The following GBE1 variants were observed in gnomAD, a reference collection of about 807,000 sequenced individuals.
GBE1 encodes 1,4-alpha-glucan branching enzyme 1.
GBE1 carries 70 observed loss-of-function variants against 88.8 expected under a neutral mutation model. That is an observed-to-expected ratio of 0.79 (90% CI 0.65 to 0.96). The LOEUF is 0.96. GBE1 is among the 40% of genes least tolerant of loss of function. The pLI, the probability that GBE1 is intolerant of heterozygous loss-of-function variation, is 0.00. For synonymous variants in GBE1, 284 were observed against 300.1 expected, an observed-to-expected ratio of 0.95 and a Z score of 0.56; for missense variants, 872 against 871.0, an observed-to-expected ratio of 1.00 and a Z score of -0.01.
At chr3:81,584,594 A>G (rs1703775312) in intron 10 of GBE1, among the ~76,000 whole-genome samples, 1 of 152,016 alleles carries the variant, frequency 6.6e-6, no homozygotes, top group African/African-American at 2.4e-5. Flanking sequence ...CTTTCAGAGA[A>G]TTTACAATCT....
At chr3:81,640,390 C>T (rs115782990) in intron 7 of GBE1, among the ~76,000 whole-genome samples, 2,635 of 151,968 alleles carry the variant, frequency 0.017, 91 homozygotes, top group African/African-American at 0.061. Context: ...CTGTACTGGA[C>T]GCTTCCTGTC....
At chr3:81,720,229 CTT>C (rs1275763343) in intron 1 of GBE1, among the ~76,000 whole-genome samples, 2 of 151,976 alleles carry the variant, frequency 1.3e-5, no homozygotes, top group African/African-American at 2.4e-5. Context: ...GGCAAGATCT[CTT>C]TTAATTTATA....
At chr3:81,725,629 T>C (rs556155251) in intron 1 of GBE1, among the ~76,000 whole-genome samples, 1 of 152,344 alleles carries the variant, frequency 6.6e-6, no homozygotes, top group Non-Finnish European at 1.5e-5. Context: ...GTATATACTG[T>C]ATATAATTGT....
intron 14 of GBE1, among the ~76,000 whole-genome samples, chr3:81,523,580 G>A (rs1160329065): frequency 6.6e-6 from 1 of 151,394 alleles, no homozygotes; most frequent in African/African-American, 2.4e-5. Flanking sequence ...CAAATATTAG[G>A]TCTTATTCAT....
intron 1 of GBE1, among the ~76,000 whole-genome samples, chr3:81,760,662 G>A (rs1202669386): frequency 6.6e-6 from 1 of 152,214 alleles, no homozygotes; most frequent in Non-Finnish European, 1.5e-5. Flanking sequence ...AACTAAAGTT[G>A]TATGGTACAC....
intron 7 of GBE1, among the ~76,000 whole-genome samples, chr3:81,628,380 TGAA>T (rs1269835330): frequency 6.6e-6 from 1 of 152,080 alleles, no homozygotes; most frequent in East Asian, 1.9e-4. Flanking sequence ...GATAAGAACA[TGAA>T]GAAGACCCTA....
intron 3 of GBE1, among the ~76,000 whole-genome samples, chr3:81,659,347 A>AT (rs1217072033): frequency 1.0e-4 from 15 of 147,818 alleles, no homozygotes; most frequent in African/African-American, 2.5e-4. Flanking sequence ...TTTTTTTTTT[A>AT]TTTTTTTTTA....
chr3:81,535,351 A>G (rs543162293), intron 13 of GBE1, 26 bp from the exon 14 acceptor site: 110 of 1,579,790 alleles, frequency 7.0e-5, no homozygotes, highest in Non-Finnish European at 8.9e-5. Context: ...CACATGTTAC[A>G]TTTAAATAAT....
intron 12 of GBE1, among the ~76,000 whole-genome samples, chr3:81,539,464 T>A (rs375239840): frequency 6.6e-6 from 1 of 152,024 alleles, no homozygotes; most frequent in Middle Eastern, 3.4e-3. Context: ...TATTTTAAAG[T>A]AGGGAAATGA....
At chr3:81,592,279 A>G (rs967523163) in intron 8 of GBE1, among the ~76,000 whole-genome samples, 6 of 152,070 alleles carry the variant, frequency 3.9e-5, no homozygotes, top group South Asian at 2.1e-4. Context: ...CCTTTGACCA[A>G]CATCTCTCCA....
At chr3:81,715,040 T>C (rs1705922746) in intron 1 of GBE1, among the ~76,000 whole-genome samples, 1 of 152,166 alleles carries the variant, frequency 6.6e-6, no homozygotes, top group Non-Finnish European at 1.5e-5. Flanking sequence ...TCTGAGTGGA[T>C]ATAAACATGT....
At chr3:81,554,791 G>T (rs534271191) in intron 12 of GBE1, among the ~76,000 whole-genome samples, 1 of 152,242 alleles carries the variant, frequency 6.6e-6, no homozygotes, top group East Asian at 1.9e-4. Flanking sequence ...CTTGTTCAAG[G>T]CACAGCCGGC....
intron 12 of GBE1, among the ~76,000 whole-genome samples, chr3:81,548,487 T>A (rs1703236042): frequency 6.6e-6 from 1 of 151,434 alleles, no homozygotes; most frequent in Admixed American, 6.6e-5. Context: ...CAAAATTACG[T>A]AAAACTCCTC....
chr3:81,636,729 T>C (rs560692156), intron 7 of GBE1, among the ~76,000 whole-genome samples: 52 of 152,156 alleles, frequency 3.4e-4, no homozygotes, highest in Admixed American at 6.5e-4. Flanking sequence ...AGGGTTTCTC[T>C]ATATTGGTCA....
chr3:81,557,358 C>T (rs1268887166), intron 12 of GBE1, among the ~76,000 whole-genome samples: 1 of 151,986 alleles, frequency 6.6e-6, no homozygotes, highest in African/African-American at 2.4e-5. Flanking sequence ...GATACTGTGA[C>T]TTAGCTATGG....
At chr3:81,667,320 G>C (rs143370974) in intron 3 of GBE1, among the ~76,000 whole-genome samples, 1 of 152,142 alleles carries the variant, frequency 6.6e-6, no homozygotes, top group Non-Finnish European at 1.5e-5. Context: ...CACTGAAGTT[G>C]CTTATCAGCT....
intron 3 of GBE1, among the ~76,000 whole-genome samples, chr3:81,662,085 T>G (rs796109396): frequency 9.9e-5 from 15 of 152,234 alleles, no homozygotes; most frequent in African/African-American, 3.6e-4. Context: ...CAGGCTGGAG[T>G]GCAATGGCAC....
rs1703673443 is a variant in GBE1, at chr3:81,578,080, T to A, written c.1463A>T (p.Lys488Met). Residue 488 changes from lysine (K) to methionine (M), a missense_variant, in exon 12 of 16, where the codon AAG becomes ATG. By Grantham distance (95) the Lys-to-Met change is moderately conservative. Coordinates refer to ENST00000429644, the MANE Select transcript of GBE1 (RefSeq NM_000158.4). ...ESHDQALVGD[K>M]SLAFWLMDAE... The stretch of plus-strand genomic sequence containing the variant: ...ATCCATCAACCAAAATGCCAGCGAC[T>A]TATCCCCAACCAATGCCTACAGAAA... The A allele has an allele frequency of 6.2e-7, 1 of 1,603,026 alleles. No individual in the cohort carries two copies. The highest frequency in any genetic ancestry group is 1.3e-5 in the African/African-American group (1 of 74,708).
chr3:81,516,363 C>A (rs1702799171), intron 14 of GBE1, among the ~76,000 whole-genome samples: 1 of 151,568 alleles, frequency 6.6e-6, no homozygotes, highest in Admixed American at 6.6e-5. Flanking sequence ...TGTCTGTTTA[C>A]AGCATGGTTT....
Sources: allele counts gnomAD v4.1 joint callset (sites outside exome capture counted in the v4.1 genomes callset), GRCh38; gene constraint gnomAD v4.1.1; transcripts MANE v1.5; gene names NCBI Gene and HGNC (gene_info 2026-07-23, HGNC 2026-07-21).